The following TXNDC15 variants were observed in gnomAD, a reference collection of about 807,000 sequenced individuals.
The protein encoded by TXNDC15 is thioredoxin domain containing 15, also known as thioredoxin domain-containing protein 15.
In TXNDC15, 24 loss-of-function variants were observed where a neutral mutation model predicts 35.0. That is an observed-to-expected ratio of 0.68 (90% CI 0.50 to 0.96). The LOEUF (loss-of-function observed/expected upper bound fraction) is 0.96, where lower values mean the gene tolerates loss of function less well. TXNDC15 is among the 40% of genes least tolerant of loss of function. The pLI, the probability that TXNDC15 is intolerant of heterozygous loss-of-function variation, is 0.00. For synonymous variants in TXNDC15, 169 were observed against 174.0 expected, an observed-to-expected ratio of 0.97 and a Z score of 0.23; for missense variants, 385 against 453.3, an observed-to-expected ratio of 0.85 and a Z score of 1.37.
chr5:134,874,563 A>G (rs774847326), intron 1 of TXNDC15, 33 bp downstream of exon 1: 3 of 1,549,450 alleles, frequency 1.9e-6, no homozygotes, highest in Non-Finnish European at 1.7e-6. Context: ...GCATGAGATG[A>G]TGGGGCGAGC....
rs1198692563 is a variant in TXNDC15 at position 134,887,832 on chromosome 5, G to A, written c.241G>A (p.Val81Met). ...QDRAAEEANA[V>M]LGLDTQGDHM... ...CAGGGCAGCAGAAGAGGCCAATGCGGTGCTGGGGCTGGACACCCAAGGCGA... is the reference window on the plus strand; with the variant it reads ...CAGGGCAGCAGAAGAGGCCAATGCGATGCTGGGGCTGGACACCCAAGGCGA... Residue 81 changes from valine to methionine, a missense_variant, in exon 2 of 5, where the codon GTG becomes ATG. Transcript: ENST00000358387. 6.2e-7 allele frequency: 1 copy of A among 1,614,104 alleles called. No individual in the cohort carries two copies. Among genetic ancestry groups the A allele is most frequent in the Non-Finnish European group, 8.5e-7 (1 of 1,180,044 alleles).
rs992092617 is a variant in TXNDC15 at position 134,890,905 on chromosome 5, C to G, written c.592-2587C>G. Among the ~76,000 whole-genome samples the G allele has an allele frequency of 4.6e-5, 7 of 152,360 alleles. No individual in the cohort carries two copies. In the Middle Eastern group the frequency reaches 0.01, roughly 222 times the overall value. On this transcript the variant is annotated intron_variant, in intron 2 of 4. Coordinates refer to ENST00000358387, the MANE Select transcript of TXNDC15 (RefSeq NM_024715.4). ...GTCATTTCAACAGTGTTCACAGCAT[C>G]TTCACCAGGCGTAGATGCCATCTCA...
intron 1 of TXNDC15, among the ~76,000 whole-genome samples, chr5:134,882,223 G>C (rs560008594): frequency 6.7e-6 from 1 of 150,340 alleles, no homozygotes; most frequent in Non-Finnish European, 1.5e-5. Context: ...GGGCAGAGGC[G>C]CTCCCCACAT....
chr5:134,874,390 T>C lies in TXNDC15; in HGVS notation c.-38T>C. 2 of 1,534,222 alleles carry C rather than the reference T, an allele frequency of 1.3e-6. No individual in the cohort carries two copies. The highest frequency in any genetic ancestry group is 1.7e-6 in the Non-Finnish European group (2 of 1,143,170). On this transcript the variant is annotated 5_prime_UTR_variant, in exon 1 of 5. Transcript: ENST00000358387. ...GCCTTCCTCCGGCTGGCAGCACGAC[T>C]CGCGTAGCCGTGCGCCGATTGCCTC... is the stretch of plus-strand genomic sequence containing the variant.
intron 2 of TXNDC15, chr5:134,892,238 G>C (rs1384501039): frequency 2.6e-5 from 4 of 151,788 alleles, no homozygotes; most frequent in African/African-American, 9.7e-5. Context: ...GCCTCACCTT[G>C]CACTTTTATG....
intron 4 of TXNDC15, among the ~76,000 whole-genome samples, chr5:134,898,283 T>A (rs1750534627): frequency 6.6e-6 from 1 of 152,250 alleles, no homozygotes; most frequent in Admixed American, 6.5e-5. Context: ...GTTCCATTTA[T>A]TAATCCATTT....
chr5:134,874,607 C>A, intron 1 of TXNDC15, 77 bp downstream of exon 1: 1 of 1,218,430 alleles, frequency 8.2e-7, no homozygotes, highest in Non-Finnish European at 1.1e-6. Context: ...TGGACCTGCG[C>A]GAAGGCCGGC....
At chr5:134,874,331 G>C, upstream of TXNDC15, 2 of 1,058,422 alleles carry the variant, frequency 1.9e-6, no homozygotes, top group Non-Finnish European at 2.6e-6. Context: ...GGCGGCGCGG[G>C]GCCGCGCCCG....
chr5:134,884,405 C>T (rs1009451884), intron 1 of TXNDC15, among the ~76,000 whole-genome samples: 1 of 151,250 alleles, frequency 6.6e-6, no homozygotes, highest in Non-Finnish European at 1.5e-5. Flanking sequence ...TGCGCCACCA[C>T]GCCAGGCTAA....
At chr5:134,891,836 A>G (rs918256773) in intron 2 of TXNDC15, among the ~76,000 whole-genome samples, 2 of 152,164 alleles carry the variant, frequency 1.3e-5, no homozygotes, top group Admixed American at 6.6e-5. Context: ...GGATTGCTTG[A>G]GCCCAGAGGC....
Position 134,887,935 on chromosome 5 carries a change from G to A in TXNDC15, c.344G>A (p.Gly115Asp), listed in dbSNP as rs1750309904. The A allele has an allele frequency of 6.2e-7, 1 of 1,614,228 alleles. No individual in the cohort carries two copies. Among genetic ancestry groups the A allele is most frequent in the Non-Finnish European group, 8.5e-7 (1 of 1,180,050 alleles). The change falls in exon 2 of 5, where the codon GGT becomes GAT. Residue 115 changes from glycine to aspartate, a missense_variant. Gly to Asp is a moderately conservative substitution (Grantham distance 94, BLOSUM62 -1). Transcript: ENST00000358387. ...VSSEPSGVTC[G>D]AGGAEDSRCN... Reference sequence around the variant, plus strand: ...TCAGAGCCTAGCGGCGTCACCTGTGGTGCTGGAGGAGCGGAGGACTCAAGG... The same window carrying A: ...TCAGAGCCTAGCGGCGTCACCTGTGATGCTGGAGGAGCGGAGGACTCAAGG...
At chr5:134,891,011 C>G (rs1473439444) in intron 2 of TXNDC15, among the ~76,000 whole-genome samples, 1 of 152,222 alleles carries the variant, frequency 6.6e-6, no homozygotes, top group Non-Finnish European at 1.5e-5. Context: ...GCAATTCAGT[C>G]CTATCTTCAG....
intron 2 of TXNDC15, 59 bp from the exon 3 acceptor site, chr5:134,893,433 A>G (rs1305132108): frequency 6.2e-7 from 1 of 1,602,040 alleles, no homozygotes; most frequent in East Asian, 2.2e-5. Flanking sequence ...TTTCTTGGGT[A>G]TCCTTTCAGA....
At chr5:134,883,587 C>CAAAAAAAAAAAAAAAAAAAAAAAA (rs60114636) in intron 1 of TXNDC15, among the ~76,000 whole-genome samples, 1 of 65,360 alleles carries the variant, frequency 1.5e-5, no homozygotes, top group African/African-American at 7.6e-5. Context: ...GACCCTGTCT[C>CAAAAAAAAAAAAAAAAAAAAAAAA]AAAAAAAAAA....
chr5:134,899,052 G>C (rs1296649551), intron 4 of TXNDC15, among the ~76,000 whole-genome samples: 1 of 152,050 alleles, frequency 6.6e-6, no homozygotes, highest in Non-Finnish European at 1.5e-5. Context: ...ACTCCAGCCT[G>C]GGAGACAGAG....
chr5:134,878,912 T>C (rs1750090046), intron 1 of TXNDC15, among the ~76,000 whole-genome samples: 1 of 152,118 alleles, frequency 6.6e-6, no homozygotes, highest in South Asian at 2.1e-4. Flanking sequence ...GGCAGGAGAA[T>C]TGCTTGAACC....
intron 1 of TXNDC15, among the ~76,000 whole-genome samples, chr5:134,880,039 G>A (rs1200824666): frequency 2.6e-5 from 4 of 151,844 alleles, no homozygotes; most frequent in African/African-American, 7.3e-5. Flanking sequence ...CAAGGGATCC[G>A]CCCTCCTTGG....
At chr5:134,881,791 G>T (rs1335382431) in intron 1 of TXNDC15, among the ~76,000 whole-genome samples, 5 of 149,088 alleles carry the variant, frequency 3.4e-5, no homozygotes, top group Non-Finnish European at 7.5e-5. Flanking sequence ...TCACCTCCCG[G>T]ACGGGGCGGC....
chr5:134,874,472 C>T lies in TXNDC15; in HGVS notation c.45C>T (p.Leu15=), dbSNP rs1411154025. The T allele has an allele frequency of 6.2e-7, 1 of 1,605,924 alleles. No individual in the cohort carries two copies. Among genetic ancestry groups the T allele is most frequent in the African/African-American group, 1.4e-5 (1 of 73,500 alleles). The change falls in exon 1 of 5, where the codon CTC becomes CTT. Residue 15 remains leucine, a synonymous_variant. Transcript: ENST00000358387. Reference sequence around the variant, plus strand: ...GACGACCGCCCCGCGTCATGCGGCTCCTCGGCTGGTGGCAAGTATTGCTGT... The same window carrying T: ...GACGACCGCCCCGCGTCATGCGGCTTCTCGGCTGGTGGCAAGTATTGCTGT... ...AGRRPPRVMR[L]LGWWQVLLWV...
Sources: allele counts gnomAD v4.1 joint callset (sites outside exome capture counted in the v4.1 genomes callset), GRCh38; gene constraint gnomAD v4.1.1; transcripts MANE v1.5; gene names NCBI Gene and HGNC (gene_info 2026-07-23, HGNC 2026-07-21).